SIPA1L1: variants seen among roughly 807,000 people sequenced by gnomAD.
SIPA1L1 encodes signal-induced proliferation-associated 1-like protein 1.
SIPA1L1 carries 26 observed loss-of-function variants against 162.7 expected under a neutral mutation model. The observed-to-expected ratio is 0.16, with a 90% CI of 0.12 to 0.22. The LOEUF (loss-of-function observed/expected upper bound fraction) is 0.22, where lower values mean the gene tolerates loss of function less well. Among genes scored for constraint, SIPA1L1 ranks in the 10% least tolerant of loss-of-function variants. SIPA1L1 has a pLI of 1.00. For synonymous variants in SIPA1L1, 829 were observed against 837.4 expected (o/e 0.99, Z 0.17); for missense variants, 1,874 against 2,241.0 (o/e 0.84, Z 3.31).
chr14:71,521,082 C>T (rs2052305685), intron 3 of SIPA1L1, among the ~76,000 whole-genome samples: 1 of 152,094 alleles, frequency 6.6e-6, no homozygotes. Context: ...TGGATGTGCA[C>T]TGCAGTTGTT....
chr14:71,616,677 T>C (rs1021863777), intron 5 of SIPA1L1, among the ~76,000 whole-genome samples: 1 of 152,184 alleles, frequency 6.6e-6, no homozygotes, highest in African/African-American at 2.4e-5. Flanking sequence ...GCATCTGAAA[T>C]GGCTTCTTTA....
intron 2 of SIPA1L1, among the ~76,000 whole-genome samples, chr14:71,337,521 C>T (rs1486379683): frequency 6.6e-6 from 1 of 152,180 alleles, no homozygotes; most frequent in Non-Finnish European, 1.5e-5. Flanking sequence ...GGCAAGAGAG[C>T]ATGTCCTGGA....
intron 13 of SIPA1L1, among the ~76,000 whole-genome samples, chr14:71,688,588 G>T (rs2149612296): frequency 6.6e-6 from 1 of 152,220 alleles, no homozygotes; most frequent in East Asian, 1.9e-4. Context: ...CATCCCCTTT[G>T]TAGTCCTACT....
intron 5 of SIPA1L1, among the ~76,000 whole-genome samples, chr14:71,609,688 A>T (rs539393064): frequency 2.0e-5 from 3 of 152,136 alleles, no homozygotes; most frequent in Admixed American, 2.0e-4. Context: ...GATGGTCTGC[A>T]ACTCCTGACC....
intron 2 of SIPA1L1, among the ~76,000 whole-genome samples, chr14:71,477,295 C>T (rs535432687): frequency 1.3e-5 from 2 of 152,214 alleles, no homozygotes; most frequent in Admixed American, 1.3e-4. Flanking sequence ...GTTATACTGT[C>T]TCCCCACCTC....
intron 17 of SIPA1L1, among the ~76,000 whole-genome samples, chr14:71,720,256 A>G (rs1394404798): frequency 6.6e-6 from 1 of 152,126 alleles, no homozygotes; most frequent in African/African-American, 2.4e-5. Context: ...CTCTCGCTAC[A>G]TCCTCTTTAG....
At chr14:71,454,651 T>C (rs1465814303) in intron 2 of SIPA1L1, among the ~76,000 whole-genome samples, 1 of 152,136 alleles carries the variant, frequency 6.6e-6, no homozygotes, top group Non-Finnish European at 1.5e-5. Flanking sequence ...ACTTAGAAAT[T>C]GGTGCCTGAT....
At chr14:71,388,585 C>T (rs1357576082) in intron 2 of SIPA1L1, among the ~76,000 whole-genome samples, 4 of 152,158 alleles carry the variant, frequency 2.6e-5, no homozygotes, top group South Asian at 2.1e-4. Flanking sequence ...ACACGTCACA[C>T]GTGCTCTTCT....
chr14:71,599,151 T>TC (rs2036416088), intron 5 of SIPA1L1, among the ~76,000 whole-genome samples: 1 of 145,920 alleles, frequency 6.9e-6, no homozygotes, highest in African/African-American at 2.5e-5. Context: ...TTCATTCTTT[T>TC]TTTTTTTTTT....
chr14:71,628,971 TCTGTTGCCCAGG>T (rs2040305737), intron 7 of SIPA1L1, among the ~76,000 whole-genome samples: 1 of 152,140 alleles, frequency 6.6e-6, no homozygotes, highest in Non-Finnish European at 1.5e-5. Context: ...GGAGTCTCAC[TCTGTTGCCCAGG>T]CTGGAATGCA....
At chr14:71,322,772 A>G (rs2033235227) in intron 2 of SIPA1L1, among the ~76,000 whole-genome samples, 1 of 152,216 alleles carries the variant, frequency 6.6e-6, no homozygotes, top group South Asian at 2.1e-4. Context: ...CTTGAAGTTG[A>G]CTGTCATTTG....
At chr14:71,510,923 C>G (rs1567127623) in intron 2 of SIPA1L1, among the ~76,000 whole-genome samples, 1 of 152,152 alleles carries the variant, frequency 6.6e-6, no homozygotes. Context: ...CCTCCCCTTT[C>G]CCCAGATCCC....
intron 12 of SIPA1L1, among the ~76,000 whole-genome samples, chr14:71,675,832 G>A (rs1295992932): frequency 6.6e-6 from 1 of 152,096 alleles, no homozygotes; most frequent in Non-Finnish European, 1.5e-5. Flanking sequence ...AAGGGGGTGC[G>A]GGAGGTGATG....
chr14:71,494,958 C>T lies in SIPA1L1; in HGVS notation c.-464-17785C>T, dbSNP rs377060835. On this transcript the variant is annotated intron_variant, in intron 2 of 23. Transcript: ENST00000381232. The stretch of plus-strand genomic sequence containing the variant: ...CTGGCTCAGGCTGATCTTGAACTCT[C>T]GGGCTCAGTTGATCCTCCCATCTTG... 2.6e-4 allele frequency among the ~76,000 whole-genome samples: 40 copies of T among 152,126 alleles called. 1 individual carries two copies. The highest frequency in any genetic ancestry group is 1.9e-3 in the East Asian group (10 of 5,174).
intron 2 of SIPA1L1, among the ~76,000 whole-genome samples, chr14:71,480,626 G>A (rs146339840): frequency 0.022 from 3,328 of 151,958 alleles, 116 homozygotes; most frequent in African/African-American, 0.076. Context: ...GCTGGGCTTG[G>A]TGGTGGGTGC....
chr14:71,329,354 T>G (rs142348601), intron 2 of SIPA1L1, among the ~76,000 whole-genome samples: 1 of 152,294 alleles, frequency 6.6e-6, no homozygotes, highest in East Asian at 1.9e-4. Flanking sequence ...TTGTACCATT[T>G]TACAATCTCA....
chr14:71,615,937 A>G (rs1242488691), intron 5 of SIPA1L1, among the ~76,000 whole-genome samples: 1 of 152,254 alleles, frequency 6.6e-6, no homozygotes, highest in Admixed American at 6.5e-5. Flanking sequence ...CAGAGGTTGC[A>G]GTGAGCCAAG....
chr14:71,376,976 C>T (rs2039431126), intron 2 of SIPA1L1, among the ~76,000 whole-genome samples: 1 of 152,194 alleles, frequency 6.6e-6, no homozygotes. Context: ...TCTTTCTTTT[C>T]CCCACATTTC....
Position 71,709,283 on chromosome 14 carries a change from C to T in SIPA1L1, c.3827C>T (p.Ala1276Val), listed in dbSNP as rs2082697218. The T allele has an allele frequency of 3.7e-6, 6 of 1,614,058 alleles. No homozygotes were observed. The Admixed American group carries it at 8.3e-5, about 22-fold the overall frequency. ...ACTCTCTCCAGCAATGCGTCAAGTG[C>T]CCATAGTGATGAGAAGTGGTACGAT... ...SNTLSSNASSAHSDEKWYDGD... is the reference protein window; with the variant it reads ...SNTLSSNASSVHSDEKWYDGD... Residue 1276 changes from alanine to valine, a missense_variant, in exon 17 of 24, where the codon GCC becomes GTC. Around this residue, in one of 5 missense-constraint regions of SIPA1L1, gnomAD observed 936 missense variants for 1,051.9 expected, o/e 0.89. Transcript: ENST00000381232.
Sources: allele counts gnomAD v4.1 joint callset (sites outside exome capture counted in the v4.1 genomes callset), GRCh38; gene constraint gnomAD v4.1.1; regional missense constraint gnomAD v4.1.1; transcripts MANE v1.5; gene names NCBI Gene and HGNC (gene_info 2026-07-23, HGNC 2026-07-21).